THADA: variants seen among roughly 807,000 people sequenced by gnomAD.
THADA encodes tRNA (32-2'-O)-methyltransferase regulator THADA.
Under a neutral mutation model 219.8 loss-of-function variants are expected in THADA, and 213 were observed. The observed-to-expected ratio is 0.97, with a 90% CI of 0.87 to 1.09. The LOEUF is 1.09. Among genes scored for constraint, THADA ranks in the 50% least tolerant of loss-of-function variants. The pLI is 0.00. For synonymous variants in THADA, 1,018 were observed against 828.9 expected, an observed-to-expected ratio of 1.23 and a Z score of -3.92; for missense variants, 2,956 against 2,311.3, an observed-to-expected ratio of 1.28 and a Z score of -5.72.
At chr2:43,334,692 G>A (rs1024233242) in intron 30 of THADA, among the ~76,000 whole-genome samples, 2 of 151,772 alleles carry the variant, frequency 1.3e-5, no homozygotes, top group African/African-American at 4.8e-5. Flanking sequence ...GGAGAATGGC[G>A]TGAACCTGGG....
intron 29 of THADA, among the ~76,000 whole-genome samples, chr2:43,349,562 G>A (rs974253486): frequency 9.9e-5 from 15 of 152,124 alleles, no homozygotes; most frequent in Non-Finnish European, 1.3e-4. Context: ...GCTGAGATGG[G>A]TTTTCCTCTT....
intron 24 of THADA, among the ~76,000 whole-genome samples, chr2:43,501,684 C>T (rs1009341013): frequency 9.9e-5 from 15 of 152,212 alleles, no homozygotes; most frequent in African/African-American, 3.6e-4. Flanking sequence ...TGGCTCACGC[C>T]TGTAATCCCA....
chr2:43,403,668 G>A (rs114836776), intron 28 of THADA, among the ~76,000 whole-genome samples: 2 of 152,088 alleles, frequency 1.3e-5, no homozygotes, highest in Non-Finnish European at 2.9e-5. Context: ...TTATTTTTCA[G>A]GTGAGGCTAT....
chr2:43,309,256 G>A (rs1213316401), intron 31 of THADA, among the ~76,000 whole-genome samples: 1 of 152,220 alleles, frequency 6.6e-6, no homozygotes, highest in Admixed American at 6.5e-5. Flanking sequence ...TGCAAGGTGG[G>A]AATGCAAAGT....
intron 25 of THADA, among the ~76,000 whole-genome samples, chr2:43,493,489 G>A (rs6743267): frequency 4.3e-4 from 65 of 152,132 alleles, no homozygotes; most frequent in African/African-American, 7.9e-4. Context: ...GCAAGACTCC[G>A]TCCAAAATAA....
chr2:43,555,536 C>T (rs1224208930), intron 17 of THADA, among the ~76,000 whole-genome samples: 2 of 152,112 alleles, frequency 1.3e-5, no homozygotes, highest in Non-Finnish European at 2.9e-5. Context: ...CAATTGCAGT[C>T]CTCTTCCCAC....
intron 30 of THADA, among the ~76,000 whole-genome samples, chr2:43,327,857 A>G (rs1679516914): frequency 6.6e-6 from 1 of 152,212 alleles, no homozygotes; most frequent in South Asian, 2.1e-4. Flanking sequence ...GATACGCTGA[A>G]TGGCTGTCTG....
intron 29 of THADA, among the ~76,000 whole-genome samples, chr2:43,378,253 G>A (rs1254165750): frequency 6.6e-6 from 1 of 152,124 alleles, no homozygotes; most frequent in Non-Finnish European, 1.5e-5. Flanking sequence ...CTAGACATAA[G>A]CAACTGAAAA....
At chr2:43,393,836 T>G (rs995986836) in intron 29 of THADA, among the ~76,000 whole-genome samples, 2 of 152,164 alleles carry the variant, frequency 1.3e-5, no homozygotes, top group African/African-American at 4.8e-5. Context: ...AACTCTTATT[T>G]CAAATGGTAT....
chr2:43,391,413 C>T (rs1283118557), intron 29 of THADA, among the ~76,000 whole-genome samples: 1 of 152,174 alleles, frequency 6.6e-6, no homozygotes, highest in Non-Finnish European at 1.5e-5. Flanking sequence ...CAGCTAAAAG[C>T]TGTCTCCAAC....
At chr2:43,365,241 A>G (rs970597328) in intron 29 of THADA, among the ~76,000 whole-genome samples, 4 of 152,134 alleles carry the variant, frequency 2.6e-5, no homozygotes, top group African/African-American at 9.6e-5. Flanking sequence ...GTGTTTTTAA[A>G]AGATCCTTCT....
At chr2:43,329,668 A>T (rs1338098195) in intron 30 of THADA, among the ~76,000 whole-genome samples, 1 of 152,244 alleles carries the variant, frequency 6.6e-6, no homozygotes, top group Non-Finnish European at 1.5e-5. Context: ...AAGGGCAGAA[A>T]CCAAGAATAG....
intron 22 of THADA, among the ~76,000 whole-genome samples, chr2:43,511,587 A>C (rs1690453377): frequency 6.6e-6 from 1 of 152,124 alleles, no homozygotes; most frequent in South Asian, 2.1e-4. Flanking sequence ...AACTTTTCCA[A>C]GTTCCTACAC....
intron 29 of THADA, chr2:43,372,248 T>A (rs1002626684): frequency 6.6e-6 from 1 of 152,238 alleles, no homozygotes; most frequent in Non-Finnish European, 1.5e-5. Context: ...AAAGAGCTGC[T>A]AGTTTTATTA....
chr2:43,263,618 C>T (rs1671205248), intron 36 of THADA, among the ~76,000 whole-genome samples: 3 of 152,154 alleles, frequency 2.0e-5, no homozygotes, highest in African/African-American at 7.2e-5. Flanking sequence ...TTTCTCTCTC[C>T]CCACATTCCT....
intron 26 of THADA, among the ~76,000 whole-genome samples, chr2:43,457,774 C>A (rs995483827): frequency 1.7e-4 from 26 of 152,026 alleles, no homozygotes; most frequent in African/African-American, 6.0e-4. Flanking sequence ...TCACTTTTTT[C>A]TCCTTTAAGT....
chr2:43,341,270 G>A (rs2104528253), intron 30 of THADA, among the ~76,000 whole-genome samples: 1 of 152,204 alleles, frequency 6.6e-6, no homozygotes, highest in East Asian at 1.9e-4. Context: ...TCTGGGCAAG[G>A]AAGGTGGAAA....
At chr2:43,464,961 A>G (rs185785285) in intron 26 of THADA, among the ~76,000 whole-genome samples, 12 of 152,290 alleles carry the variant, frequency 7.9e-5, no homozygotes, top group Non-Finnish European at 1.3e-4. Flanking sequence ...ACAGGGGGAA[A>G]AAACCCTGCC....
chr2:43,539,437 G>T (rs1014474503), intron 21 of THADA, among the ~76,000 whole-genome samples: 1 of 152,172 alleles, frequency 6.6e-6, no homozygotes, highest in South Asian at 2.1e-4. Context: ...TTTAAAAGCA[G>T]GAATTCTCCA....
Sources: allele counts gnomAD v4.1 joint callset (sites outside exome capture counted in the v4.1 genomes callset), GRCh38; gene constraint gnomAD v4.1.1; transcripts MANE v1.5; gene names NCBI Gene and HGNC (gene_info 2026-07-23, HGNC 2026-07-21).